Variants in DEPDC5 observed in about 807,000 individuals in gnomAD.
The protein encoded by DEPDC5 is GATOR1 complex protein DEPDC5.
In DEPDC5, 73 loss-of-function variants were observed where a neutral mutation model predicts 217.3. That is an observed-to-expected ratio of 0.34 (90% CI 0.28 to 0.41). DEPDC5 has a LOEUF of 0.41. Among genes scored for constraint, DEPDC5 ranks in the 10% least tolerant of loss-of-function variants. The pLI is 1.00. For synonymous variants in DEPDC5, 733 were observed against 756.7 expected, an observed-to-expected ratio of 0.97 and a Z score of 0.51; for missense variants, 1,675 against 2,070.1, an observed-to-expected ratio of 0.81 and a Z score of 3.70.
In DEPDC5 at chr22:31,778,147, C is replaced by G; in HGVS notation, c.462C>G (p.Gly154=). 6.2e-7 allele frequency: 1 copy of G among 1,614,144 alleles called. No homozygotes were observed. Among genetic ancestry groups the G allele is most frequent in the Non-Finnish European group, 8.5e-7 (1 of 1,180,010 alleles). The change falls in exon 8 of 43, where the codon GGC becomes GGG. Residue 154 remains glycine (G), a synonymous_variant. Coordinates refer to ENST00000651528, the MANE Select transcript of DEPDC5 (RefSeq NM_001242896.3). Reference sequence around the variant, plus strand: ...TTAAGAATGAGAAGGTCATGTGTGGCTACATCAGTGAAGATACCAGGGTAA... The same window carrying G: ...TTAAGAATGAGAAGGTCATGTGTGGGTACATCAGTGAAGATACCAGGGTAA... ...LWVKNEKVMC[G]YISEDTRVVF...
At chr22:31,799,917 C>T (rs2086691297) in intron 14 of DEPDC5, among the ~76,000 whole-genome samples, 1 of 150,650 alleles carries the variant, frequency 6.6e-6, no homozygotes, top group African/African-American at 2.5e-5. Flanking sequence ...ATTCTCCTGC[C>T]TCAGCCTCCC....
chr22:31,774,573 G>C (rs1167929421), intron 7 of DEPDC5, among the ~76,000 whole-genome samples: 1 of 151,386 alleles, frequency 6.6e-6, no homozygotes, highest in African/African-American at 2.4e-5. Flanking sequence ...GGGTGCGGTG[G>C]CTCATGCCTG....
intron 39 of DEPDC5, chr22:31,894,957 C>T (rs554888328): frequency 5.2e-4 from 79 of 151,696 alleles, no homozygotes; most frequent in African/African-American, 1.8e-3. Context: ...GCCTGACCAA[C>T]ATGGAGAAAC....
chr22:31,755,042 C>G (rs968691356), intron 2 of DEPDC5, 63 bp downstream of exon 2: 60 of 1,580,138 alleles, frequency 3.8e-5, no homozygotes, highest in Non-Finnish European at 4.8e-5. Flanking sequence ...TGTGCAATAC[C>G]TAGAAATTAC....
chr22:31,813,134 GT>G (rs2088633508), intron 20 of DEPDC5, among the ~76,000 whole-genome samples: 1 of 152,114 alleles, frequency 6.6e-6, no homozygotes, highest in African/African-American at 2.4e-5. Context: ...CCACATGATT[GT>G]TTTCTGCCCT....
At position 31,792,016 on chromosome 22, in the gene DEPDC5, TCTCTA is replaced by T; in HGVS notation, c.625-13_625-9del. 6.3e-7 allele frequency: 1 copy of T among 1,595,042 alleles called. No individual in the cohort carries two copies. Among genetic ancestry groups the T allele is most frequent in the Non-Finnish European group, 8.6e-7 (1 of 1,163,760 alleles). On this transcript the variant is annotated splice_polypyrimidine_tract_variant and intron_variant, in intron 10 of 42. Transcript: ENST00000651528. Reference sequence around the variant, plus strand: ...ATGAAACAAACTTCAACCCTGTTGTTCTCTACTCATGCTTAGGAGAAGAACTGTAG... The same window carrying T: ...ATGAAACAAACTTCAACCCTGTTGTTCTCATGCTTAGGAGAAGAACTGTAG...
At chr22:31,829,250 A>G (rs1405607570) in intron 24 of DEPDC5, among the ~76,000 whole-genome samples, 1 of 152,156 alleles carries the variant, frequency 6.6e-6, no homozygotes, top group African/African-American at 2.4e-5. Flanking sequence ...AAATCAGAGA[A>G]GACTGGCGCG....
chr22:31,876,763 G>GT lies in DEPDC5; in HGVS notation c.3805+505dup, dbSNP rs528657891. 3.4e-3 allele frequency among the ~76,000 whole-genome samples: 516 copies of GT among 152,122 alleles called. 3 individuals carry two copies. The highest frequency in any genetic ancestry group is 0.012 in the African/African-American group (487 of 41,484). ...TGTGGGGTTTTTTTTCTTTTGTTTG[G>GT]TTTTTTTAAATAATGAGGAAAAAGT... On this transcript the variant is annotated intron_variant, in intron 37 of 42. Coordinates refer to ENST00000651528, the MANE Select transcript of DEPDC5 (RefSeq NM_001242896.3).
At chr22:31,810,059 G>C (rs2088080686) in intron 19 of DEPDC5, among the ~76,000 whole-genome samples, 1 of 152,164 alleles carries the variant, frequency 6.6e-6, no homozygotes, top group Admixed American at 6.6e-5. Context: ...AAAGTCAGGA[G>C]ACCTGAGTTC....
chr22:31,811,123 G>A (rs2088267528), intron 20 of DEPDC5, among the ~76,000 whole-genome samples: 1 of 152,078 alleles, frequency 6.6e-6, no homozygotes, highest in African/African-American at 2.4e-5. Context: ...AGGCTGGAGT[G>A]CAATGACACA....
chr22:31,876,393 C>A (rs895562810), intron 37 of DEPDC5, 128 bp downstream of exon 37: 37 of 679,660 alleles, frequency 5.4e-5, no homozygotes, highest in Non-Finnish European at 7.5e-5. Flanking sequence ...GATCTGTCAA[C>A]TTCCTTGAGC....
intron 4 of DEPDC5, among the ~76,000 whole-genome samples, chr22:31,761,228 G>C (rs2014375957): frequency 6.6e-6 from 1 of 152,034 alleles, no homozygotes; most frequent in African/African-American, 2.4e-5. Context: ...TGATCCTCCT[G>C]CCTTGGCCCC....
In DEPDC5 at chr22:31,855,433, G is replaced by A. The variant is rs139927699; in HGVS notation, c.3156-2012G>A. On this transcript the variant is annotated intron_variant, in intron 31 of 42. Transcript: ENST00000651528. ...GCTCTGTCGCCCAGGCTGGAGTGCA[G>A]TGGCGCGATATCGGCTCATTGCAAG... 9.6e-3 allele frequency among the ~76,000 whole-genome samples: 1,436 copies of A among 150,276 alleles called. 19 individuals are homozygous for A. Among genetic ancestry groups the A allele is most frequent in the African/African-American group, 0.032 (1,324 of 40,762 alleles).
At chr22:31,805,652 C>T (rs947830401) in intron 17 of DEPDC5, among the ~76,000 whole-genome samples, 7 of 152,232 alleles carry the variant, frequency 4.6e-5, no homozygotes, top group East Asian at 1.9e-4. Context: ...AGGTGCCTGC[C>T]GCCACGCCCG....
chr22:31,768,741 A>C, intron 6 of DEPDC5, 73 bp from the exon 7 acceptor site: 1 of 1,296,826 alleles, frequency 7.7e-7, no homozygotes, highest in Non-Finnish European at 1.1e-6. Context: ...TTAATATGTT[A>C]ATCAATCTCT....
intron 37 of DEPDC5, 80 bp downstream of exon 37, chr22:31,876,345 C>T: frequency 9.4e-7 from 1 of 1,061,656 alleles, no homozygotes; most frequent in African/African-American, 1.6e-5. Context: ...GATGGTGCTT[C>T]CTGAGCTGCA....
intron 6 of DEPDC5, among the ~76,000 whole-genome samples, chr22:31,767,184 A>G (rs2082891133): frequency 6.6e-6 from 1 of 150,954 alleles, no homozygotes; most frequent in African/African-American, 2.4e-5. Flanking sequence ...CTCTTTCCCC[A>G]AGCTGGAGTG....
Position 31,810,502 on chromosome 22 carries a change from T to G in DEPDC5, c.1325-19T>G. 23 of 1,613,726 alleles carry G rather than the reference T, an allele frequency of 1.4e-5. No homozygotes were observed. The highest frequency in any genetic ancestry group is 1.9e-5 in the Non-Finnish European group (23 of 1,179,918). The stretch of plus-strand genomic sequence containing the variant: ...TTGAAATGTATTTGATGACAATTTA[T>G]ATTATTTGTGTATTTCAGCTCTCGG... On this transcript the variant is annotated intron_variant, in intron 19 of 42. Transcript: ENST00000651528.
intron 38 of DEPDC5, among the ~76,000 whole-genome samples, chr22:31,884,960 A>G (rs1447274874): frequency 6.6e-6 from 1 of 152,158 alleles, no homozygotes; most frequent in Non-Finnish European, 1.5e-5. Context: ...TACCTTCAAT[A>G]TTGATTCAGG....
Sources: gnomAD v4.1 joint callset for allele counts (sites outside exome capture counted in the v4.1 genomes callset) on GRCh38, gnomAD v4.1.1 for gene constraint, MANE v1.5 for transcripts, NCBI Gene and HGNC (gene_info 2026-07-23, HGNC 2026-07-21) for gene names.